KIR3DL3: variants seen among roughly 807,000 people sequenced by gnomAD.
The protein encoded by KIR3DL3 is killer cell immunoglobulin-like receptor 3DL3.
In KIR3DL3, 27 loss-of-function variants were observed where a neutral mutation model predicts 34.9. The observed-to-expected ratio is 0.77, with a 90% confidence interval of 0.57 to 1.07. The LOEUF (loss-of-function observed/expected upper bound fraction) is 1.07. Ranked by LOEUF, KIR3DL3 falls within the 50% of genes least tolerant of loss-of-function variation. The pLI, the probability that KIR3DL3 is intolerant of heterozygous loss-of-function variation, is 0.00. For missense variants in KIR3DL3, 681 were observed against 528.5 expected (o/e 1.29, Z -2.83); for synonymous variants, 217 against 200.2 (o/e 1.08, Z -0.71).
At chr19:54,733,203 C>T (rs1488546128) in intron 5 of KIR3DL3, among the ~76,000 whole-genome samples, 4 of 151,924 alleles carry the variant, frequency 2.6e-5, no homozygotes, top group African/African-American at 9.7e-5. Context: ...GCGATAGACA[C>T]ATGAGGGGTG....
At chr19:54,731,181 T>A (rs2068752762) in intron 5 of KIR3DL3, among the ~76,000 whole-genome samples, 1 of 152,010 alleles carries the variant, frequency 6.6e-6, no homozygotes, top group Non-Finnish European at 1.5e-5. Context: ...AATTTTTATA[T>A]TTTTAGTAGA....
rs567524965 is a variant in KIR3DL3 at position 54,727,744 on chromosome 19, C to A, written c.489C>A (p.Asp163Glu). 2.5e-6 allele frequency: 4 copies of A among 1,612,768 alleles called. No homozygotes were observed. In the South Asian group the frequency reaches 4.4e-5, roughly 18 times the overall value. The change falls in exon 4 of 8, where the codon GAC becomes GAA. Residue 163 changes from aspartate (D) to glutamate (E), a missense_variant. Coordinates refer to ENST00000291860, the MANE Select transcript of KIR3DL3 (RefSeq NM_153443.5). ...TGCACAGAGAGGGGATCACTGAGGA[C>A]CCCTTGCGCCTCGTTGGACAGCTCC... is the stretch of plus-strand genomic sequence containing the variant. ...FLLHREGITE[D>E]PLRLVGQLHD... is the part of the protein sequence containing the mutation.
At chr19:54,732,934 T>G (rs1489528577) in intron 5 of KIR3DL3, among the ~76,000 whole-genome samples, 3 of 151,960 alleles carry the variant, frequency 2.0e-5, no homozygotes, top group Admixed American at 2.0e-4. Context: ...GTGACCGACA[T>G]GAAAATAAGG....
chr19:54,732,734 T>C lies in KIR3DL3; in HGVS notation c.950-2519T>C, dbSNP rs1294426809. The stretch of plus-strand genomic sequence containing the variant: ...CCGTGAAGGCACAAAGGTGGAAACA[T>C]TCTTAGTTCAAGGAAGAGGCTCTGC... On this transcript the variant is annotated intron_variant, in intron 5 of 7. Coordinates refer to ENST00000291860, the MANE Select transcript of KIR3DL3 (RefSeq NM_153443.5). 7.9e-5 allele frequency among the ~76,000 whole-genome samples: 12 copies of C among 152,128 alleles called. No individual in the cohort carries two copies. The South Asian group carries it at 1.9e-3, about 24-fold the overall frequency.
intron 3 of KIR3DL3, 38 bp downstream of exon 3, chr19:54,726,375 C>T (rs1600168141): frequency 6.3e-7 from 1 of 1,594,588 alleles, no homozygotes; most frequent in Non-Finnish European, 8.5e-7. Flanking sequence ...ACTGTCCCAC[C>T]TCCTGAATCC....
At chr19:54,726,367 T>G (rs2068185972) in intron 3 of KIR3DL3, 30 bp downstream of exon 3, 2 of 1,602,668 alleles carry the variant, frequency 1.2e-6, no homozygotes, top group Admixed American at 1.7e-5. Flanking sequence ...GGCTTCTCAC[T>G]GTCCCACCTC....
In KIR3DL3 at chr19:54,735,234, G is replaced by A. The variant is rs2069355794; in HGVS notation, c.950-19G>A. On this transcript the variant is annotated intron_variant, in intron 5 of 7. Transcript: ENST00000291860. The stretch of plus-strand genomic sequence containing the variant: ...AACTGCTATGATTAGCTTCTTATTG[G>A]TGTCTTGTCTTCCTCCAGGTAACTC... 6 of 1,456,800 alleles carry A rather than the reference G, an allele frequency of 4.1e-6. 1 individual carries two copies. In the Admixed American group the frequency reaches 5.2e-5, roughly 13 times the overall value. 90.2% of individuals were successfully genotyped at this position (1,456,800 alleles called of 1,614,324 possible).
rs1424159613 is a variant in KIR3DL3, at chr19:54,726,407, C to T, written c.355+70C>T. ...ATCCCAGAGCTTCTGGTGGGGGCGTCCATCAGGGTCCAATCATCCAGGCCC... is the reference window on the plus strand; with the variant it reads ...ATCCCAGAGCTTCTGGTGGGGGCGTTCATCAGGGTCCAATCATCCAGGCCC... On this transcript the variant is annotated intron_variant, in intron 3 of 7. Coordinates refer to ENST00000291860, the MANE Select transcript of KIR3DL3 (RefSeq NM_153443.5). 9 of 1,544,936 alleles carry T rather than the reference C, an allele frequency of 5.8e-6. No homozygotes were observed. In the East Asian group the frequency reaches 2.0e-4, roughly 35 times the overall value.
At chr19:54,733,901 G>C (rs1218140465) in intron 5 of KIR3DL3, among the ~76,000 whole-genome samples, 2 of 152,164 alleles carry the variant, frequency 1.3e-5, no homozygotes, top group Admixed American at 6.5e-5. Context: ...TCAGAGACCA[G>C]TGCCAGCACT....
chr19:54,735,688 T>G, intron 6 of KIR3DL3, 132 bp from the exon 7 acceptor site: 1 of 927,308 alleles, frequency 1.1e-6, no homozygotes, highest in South Asian at 1.5e-5. Context: ...AGAGATAGAA[T>G]GTCTGAGTCT....
chr19:54,731,824 C>T (rs2068827570), intron 5 of KIR3DL3, among the ~76,000 whole-genome samples: 1 of 151,920 alleles, frequency 6.6e-6, no homozygotes, highest in South Asian at 2.1e-4. Flanking sequence ...TTCTTCTTTA[C>T]CCACACCTTT....
intron 1 of KIR3DL3, 133 bp downstream of exon 1, chr19:54,724,663 G>C: frequency 7.1e-7 from 1 of 1,407,496 alleles, no homozygotes; most frequent in Non-Finnish European, 9.7e-7. Flanking sequence ...ATGGGCCTGG[G>C]GTGGAGATAT....
chr19:54,725,743 G>A (rs2068090258), intron 2 of KIR3DL3, among the ~76,000 whole-genome samples: 1 of 152,262 alleles, frequency 6.6e-6, no homozygotes, highest in East Asian at 1.9e-4. Context: ...GGGCTCAGTT[G>A]TTTATTATGG....
rs1375954104 is a variant in KIR3DL3 at position 54,736,480 on chromosome 19, A to T, written c.*384A>T. 2 of 328,326 alleles carry T rather than the reference A, an allele frequency of 6.1e-6. No homozygotes were observed. Among genetic ancestry groups the T allele is most frequent in the East Asian group, 5.0e-5 (1 of 20,148 alleles). 20.3% of individuals were successfully genotyped at this position (328,326 alleles called of 1,614,324 possible). A position where few individuals can be genotyped will look rare whatever the true frequency, so the allele number is the denominator to read the frequency against. On this transcript the variant is annotated 3_prime_UTR_variant, in exon 8 of 8. Transcript: ENST00000291860. ...CTGAGGAACTCACAATTCCAAACAT[A>T]TAAGAGGCTCCCTCTTAACACGGCA...
intron 5 of KIR3DL3, among the ~76,000 whole-genome samples, chr19:54,731,494 C>T (rs2068785229): frequency 6.6e-6 from 1 of 151,392 alleles, no homozygotes; most frequent in African/African-American, 2.4e-5. Context: ...AGCCAATGCC[C>T]CATGCTCAGG....
At chr19:54,733,774 C>T (rs2069099071) in intron 5 of KIR3DL3, among the ~76,000 whole-genome samples, 1 of 152,180 alleles carries the variant, frequency 6.6e-6, no homozygotes, top group South Asian at 2.1e-4. Flanking sequence ...TGGCATAAAA[C>T]TTGCCCCTTC....
chr19:54,734,749 T>G (rs4020725), intron 5 of KIR3DL3, among the ~76,000 whole-genome samples: 1 of 146,740 alleles, frequency 6.8e-6, no homozygotes, highest in East Asian at 1.9e-4. Context: ...ATCTATTTCT[T>G]GTGACGGCCT....
In KIR3DL3 at chr19:54,730,992, G is replaced by T. The variant is rs903662648; in HGVS notation, c.949+1206G>T. Among the ~76,000 whole-genome samples, 741 of 151,992 alleles carry T rather than the reference G, an allele frequency of 4.9e-3. 9 individuals carry two copies. The highest frequency in any genetic ancestry group is 0.016 in the African/African-American group (678 of 41,484). Reference sequence around the variant, plus strand: ...CTCTGGAAGTGTCTTTTTACATTTTGTTTTATGGTTTTTGTTTTTGTTTTT... The same window carrying T: ...CTCTGGAAGTGTCTTTTTACATTTTTTTTTATGGTTTTTGTTTTTGTTTTT... On this transcript the variant is annotated intron_variant, in intron 5 of 7. Coordinates refer to ENST00000291860, the MANE Select transcript of KIR3DL3 (RefSeq NM_153443.5).
At chr19:54,730,841 A>G (rs601298) in intron 5 of KIR3DL3, among the ~76,000 whole-genome samples, 33,712 of 152,060 alleles carry the variant, frequency 0.22, 3,837 homozygotes, top group East Asian at 0.28. Flanking sequence ...ACTGATGGGC[A>G]GGTAGGTTGA....
Sources: allele counts gnomAD v4.1 joint callset (sites outside exome capture counted in the v4.1 genomes callset), GRCh38; gene constraint gnomAD v4.1.1; transcripts MANE v1.5; gene names NCBI Gene and HGNC (gene_info 2026-07-23, HGNC 2026-07-21).